INPP4B: variants seen among roughly 807,000 people sequenced by gnomAD.
INPP4B encodes inositol polyphosphate 4-phosphatase type II.
Under a neutral mutation model 122.5 loss-of-function variants are expected in INPP4B, and 55 were observed. That is an observed-to-expected ratio of 0.45 (90% CI 0.36 to 0.56). INPP4B has a LOEUF of 0.56. INPP4B is among the 20% of genes least tolerant of loss of function. INPP4B has a pLI of 0.00. For missense variants in INPP4B, 1,000 were observed against 1,097.7 expected (o/e 0.91, Z 1.26); for synonymous variants, 403 against 388.7 (o/e 1.04, Z -0.43).
chr4:142,082,476 G>T (rs951250125), intron 24 of INPP4B, among the ~76,000 whole-genome samples: 2 of 152,170 alleles, frequency 1.3e-5, no homozygotes, highest in Non-Finnish European at 1.5e-5. Flanking sequence ...CCCAAGGGGG[G>T]TGCCTGGTCT....
At chr4:142,635,618 A>G (rs1190305526) in intron 2 of INPP4B, among the ~76,000 whole-genome samples, 1 of 152,186 alleles carries the variant, frequency 6.6e-6, no homozygotes, top group Non-Finnish European at 1.5e-5. Context: ...AGAAAACCAA[A>G]TACTGCATGT....
intron 25 of INPP4B, among the ~76,000 whole-genome samples, chr4:142,055,564 A>C (rs1026878859): frequency 6.6e-5 from 10 of 152,138 alleles, no homozygotes; most frequent in African/African-American, 2.4e-4. Context: ...GTTTGAGTTA[A>C]CTCAAAGGAC....
intron 1 of INPP4B, among the ~76,000 whole-genome samples, chr4:142,805,410 C>T (rs182329495): frequency 1.6e-4 from 24 of 152,274 alleles, no homozygotes; most frequent in African/African-American, 5.8e-4. Context: ...GAGGATTATA[C>T]AACTAGAGTA....
chr4:142,620,450 C>G (rs1744648767), intron 2 of INPP4B, among the ~76,000 whole-genome samples: 1 of 151,894 alleles, frequency 6.6e-6, no homozygotes. Context: ...GGGACCTATA[C>G]TTTGAGTACA....
intron 1 of INPP4B, among the ~76,000 whole-genome samples, chr4:142,759,611 A>G (rs1211471152): frequency 6.6e-6 from 1 of 152,022 alleles, no homozygotes; most frequent in African/African-American, 2.4e-5. Context: ...TATGTGTCTC[A>G]TTTCTGCTAC....
chr4:142,275,890 C>T (rs1330838333), intron 9 of INPP4B, among the ~76,000 whole-genome samples: 1 of 151,734 alleles, frequency 6.6e-6, no homozygotes, highest in Non-Finnish European at 1.5e-5. Flanking sequence ...ATATTCCCAA[C>T]TTGATCTTGA....
At chr4:142,281,329 T>C (rs1436433558) in intron 9 of INPP4B, among the ~76,000 whole-genome samples, 1 of 141,678 alleles carries the variant, frequency 7.1e-6, no homozygotes, top group East Asian at 2.0e-4. Context: ...TCTGGATAGA[T>C]AGCTAAGCAT....
intron 1 of INPP4B, among the ~76,000 whole-genome samples, chr4:142,828,765 T>C (rs1781749553): frequency 6.6e-6 from 1 of 152,166 alleles, no homozygotes. Flanking sequence ...TAAATAACTA[T>C]GCATGAAGTG....
chr4:142,367,186 ATATGTGTGTGTGTG>A lies in INPP4B; in HGVS notation c.372+35738_372+35751del, dbSNP rs1213980348. Among the ~76,000 whole-genome samples the A allele has an allele frequency of 7.5e-5, 8 of 106,418 alleles. No individual in the cohort carries two copies. The East Asian group carries it at 1.9e-3, about 25-fold the overall frequency. The allele number at this position is 106,418 out of a possible 152,430, so 69.8% of individuals were successfully genotyped here. A position where few individuals can be genotyped will look rare whatever the true frequency, so the allele number is the denominator to read the frequency against. ...TAAATAGTGTGTATGTATACATGTAATATGTGTGTGTGTGTGTGTGTGTGTGTGTGTGTGTGTGT... is the reference window on the plus strand; with the variant it reads ...TAAATAGTGTGTATGTATACATGTAATGTGTGTGTGTGTGTGTGTGTGTGT... On this transcript the variant is annotated intron_variant, in intron 7 of 25. Coordinates refer to ENST00000262992, the MANE Select transcript of INPP4B (RefSeq NM_001101669.3).
At chr4:142,729,483 T>C (rs1186108953) in intron 1 of INPP4B, among the ~76,000 whole-genome samples, 1 of 150,240 alleles carries the variant, frequency 6.7e-6, no homozygotes, top group Non-Finnish European at 1.5e-5. Context: ...TAGTGAACCT[T>C]GGATCCTGAT....
chr4:142,701,159 T>G (rs1233850868), intron 2 of INPP4B, among the ~76,000 whole-genome samples: 3 of 152,134 alleles, frequency 2.0e-5, no homozygotes, highest in Admixed American at 2.0e-4. Flanking sequence ...TGGAGCAGCC[T>G]CTACTTGAAA....
At chr4:142,656,458 C>G (rs996469204) in intron 2 of INPP4B, among the ~76,000 whole-genome samples, 10 of 152,150 alleles carry the variant, frequency 6.6e-5, no homozygotes, top group African/African-American at 2.4e-4. Context: ...GAAAACCATA[C>G]CCCTACCCCC....
intron 6 of INPP4B, among the ~76,000 whole-genome samples, chr4:142,404,209 AGTAT>A (rs1802581684): frequency 1.3e-5 from 2 of 152,206 alleles, no homozygotes; most frequent in Non-Finnish European, 2.9e-5. Flanking sequence ...GGCTACATGC[AGTAT>A]CTGGGTCATT....
chr4:142,442,945 G>T (rs1009624961), intron 3 of INPP4B, among the ~76,000 whole-genome samples: 4 of 152,162 alleles, frequency 2.6e-5, no homozygotes, highest in Non-Finnish European at 4.4e-5. Flanking sequence ...GAGAGCTTGT[G>T]CAGGGGAACT....
chr4:142,437,497 G>C (rs1179082899), intron 3 of INPP4B, among the ~76,000 whole-genome samples: 6 of 151,844 alleles, frequency 4.0e-5, no homozygotes, highest in Non-Finnish European at 5.9e-5. Flanking sequence ...AAATATTAAG[G>C]GCAGCCAAAA....
At chr4:142,705,116 T>C (rs1236940168) in intron 2 of INPP4B, among the ~76,000 whole-genome samples, 1 of 152,178 alleles carries the variant, frequency 6.6e-6, no homozygotes, top group East Asian at 1.9e-4. Context: ...CCTCTGACTG[T>C]TCTTAAACTA....
chr4:142,094,307 C>T (rs955427668), intron 23 of INPP4B, among the ~76,000 whole-genome samples: 3 of 152,130 alleles, frequency 2.0e-5, no homozygotes, highest in African/African-American at 4.8e-5. Context: ...ACTACTTTTG[C>T]CCATACTCAA....
chr4:142,395,863 C>T (rs1485010092), intron 7 of INPP4B, among the ~76,000 whole-genome samples: 1 of 151,984 alleles, frequency 6.6e-6, no homozygotes, highest in Non-Finnish European at 1.5e-5. Flanking sequence ...CTCATAGAAT[C>T]AGAGAGTAAA....
At chr4:142,302,629 G>GATTGT (rs1761906864) in intron 9 of INPP4B, among the ~76,000 whole-genome samples, 1 of 152,126 alleles carries the variant, frequency 6.6e-6, no homozygotes, top group East Asian at 1.9e-4. Context: ...AGAGCACAAA[G>GATTGT]CACATGGTTG....
Sources: allele counts gnomAD v4.1 joint callset (sites outside exome capture counted in the v4.1 genomes callset), GRCh38; gene constraint gnomAD v4.1.1; transcripts MANE v1.5; gene names NCBI Gene and HGNC (gene_info 2026-07-23, HGNC 2026-07-21).